Variants in FSHR observed in about 807,000 individuals in gnomAD.
The protein encoded by FSHR is follicle-stimulating hormone receptor.
A neutral mutation model predicts 52.1 loss-of-function variants in FSHR; 46 were observed. That is an observed-to-expected ratio of 0.88 (90% CI 0.70 to 1.13). FSHR has a LOEUF of 1.13. FSHR is among the 50% of genes most tolerant of loss of function. The pLI is 0.00. For missense variants in FSHR, 964 were observed against 834.6 expected (o/e 1.16, Z -1.91); for synonymous variants, 399 against 309.6 (o/e 1.29, Z -3.03).
chr2:49,059,214 A>T (rs1558416598), intron 2 of FSHR, among the ~76,000 whole-genome samples: 1 of 152,094 alleles, frequency 6.6e-6, no homozygotes. Context: ...AATTAAAAAA[A>T]TAATAATAAA....
At chr2:48,980,609 A>C (rs1327048223) in intron 8 of FSHR, among the ~76,000 whole-genome samples, 1 of 152,164 alleles carries the variant, frequency 6.6e-6, no homozygotes, top group Non-Finnish European at 1.5e-5. Context: ...TGGTGTTAAT[A>C]GTTATTTTCC....
At chr2:49,021,794 TTGCACAGTTGAACATAAATAAG>T (rs1447866138) in intron 2 of FSHR, among the ~76,000 whole-genome samples, 2 of 146,008 alleles carry the variant, frequency 1.4e-5, no homozygotes, top group African/African-American at 5.1e-5. Context: ...TCCTCACCAT[TTGCACAGTTGAACATAAATAAG>T]GGTGGGGTAT....
chr2:49,027,004 G>C (rs1298141457), intron 2 of FSHR, among the ~76,000 whole-genome samples: 2 of 152,126 alleles, frequency 1.3e-5, no homozygotes, highest in African/African-American at 4.8e-5. Flanking sequence ...AATCAGTCTA[G>C]AGCAGCTAGA....
intron 1 of FSHR, among the ~76,000 whole-genome samples, chr2:49,147,556 C>T (rs963056534): frequency 6.6e-6 from 1 of 152,042 alleles, no homozygotes; most frequent in African/African-American, 2.4e-5. Context: ...AAGTGCAGTT[C>T]TCTGCTATCA....
Position 48,980,500 on chromosome 2 carries a change from G to A in FSHR, c.668+2412C>T, listed in dbSNP as rs1422972108. On this transcript the variant is annotated intron_variant, in intron 8 of 9. Coordinates refer to ENST00000406846, the MANE Select transcript of FSHR (RefSeq NM_000145.4). Reference sequence around the variant, plus strand: ...GTTAAACATTCTTATGAGATACATTGTGCAGTATCTTCGCCTGGAATCTGC... The same window carrying A: ...GTTAAACATTCTTATGAGATACATTATGCAGTATCTTCGCCTGGAATCTGC... Among the ~76,000 whole-genome samples, 7 of 152,296 alleles carry A rather than the reference G, an allele frequency of 4.6e-5. No homozygotes were observed. In the East Asian group the frequency reaches 1.2e-3, roughly 25 times the overall value.
intron 4 of FSHR, among the ~76,000 whole-genome samples, chr2:49,016,096 G>A (rs868623702): frequency 6.6e-5 from 10 of 152,078 alleles, no homozygotes; most frequent in African/African-American, 2.4e-4. Context: ...GCACATGATG[G>A]CCCAGTGTTT....
chr2:48,999,316 G>A (rs942988407), intron 4 of FSHR, among the ~76,000 whole-genome samples: 8 of 152,024 alleles, frequency 5.3e-5, no homozygotes, highest in Admixed American at 5.2e-4. Context: ...TCATATTAGA[G>A]TTGAGGATGC....
chr2:48,979,698 C>G (rs1675156334), intron 8 of FSHR, among the ~76,000 whole-genome samples: 1 of 152,088 alleles, frequency 6.6e-6, no homozygotes, highest in Non-Finnish European at 1.5e-5. Flanking sequence ...ATCAGCTGAG[C>G]CTTTTGTTGC....
rs551436457 is a variant in FSHR at position 49,142,868 on chromosome 2, G to C, written c.152+11398C>G. Among the ~76,000 whole-genome samples, 3 of 152,278 alleles carry C rather than the reference G, an allele frequency of 2.0e-5. No homozygotes were observed. The South Asian group carries it at 6.2e-4, about 32-fold the overall frequency. On this transcript the variant is annotated intron_variant, in intron 1 of 9. Coordinates refer to ENST00000406846, the MANE Select transcript of FSHR (RefSeq NM_000145.4). Reference sequence around the variant, plus strand: ...GATTGGATTTGGGAGTGACAGTTTGGTGACATGTGCGTTTATACAGATGAT... The same window carrying C: ...GATTGGATTTGGGAGTGACAGTTTGCTGACATGTGCGTTTATACAGATGAT...
intron 4 of FSHR, among the ~76,000 whole-genome samples, chr2:49,016,287 C>G (rs1215204063): frequency 6.6e-6 from 1 of 152,194 alleles, no homozygotes; most frequent in Non-Finnish European, 1.5e-5. Context: ...GTATCCTTCC[C>G]TATGCCTTGT....
chr2:48,996,520 A>T (rs1471536328), intron 4 of FSHR, among the ~76,000 whole-genome samples: 1 of 152,142 alleles, frequency 6.6e-6, no homozygotes, highest in African/African-American at 2.4e-5. Context: ...ATTCATTAAC[A>T]CAACTCATGT....
intron 8 of FSHR, among the ~76,000 whole-genome samples, chr2:48,974,816 A>G (rs1390083531): frequency 1.3e-5 from 2 of 152,204 alleles, no homozygotes; most frequent in East Asian, 3.9e-4. Flanking sequence ...AGACTTAACT[A>G]TAGTATATTC....
At chr2:49,099,200 ATGT>A (rs1014147875) in intron 1 of FSHR, among the ~76,000 whole-genome samples, 4 of 151,938 alleles carry the variant, frequency 2.6e-5, no homozygotes, top group African/African-American at 9.7e-5. Flanking sequence ...CAATTCCCAC[ATGT>A]TGTGGGAGAG....
At chr2:49,109,167 C>T (rs1340459439) in intron 1 of FSHR, among the ~76,000 whole-genome samples, 2 of 151,984 alleles carry the variant, frequency 1.3e-5, no homozygotes, top group African/African-American at 4.8e-5. Flanking sequence ...GCAGAAATTC[C>T]CTATCCAGAA....
intron 1 of FSHR, among the ~76,000 whole-genome samples, chr2:49,101,911 G>C (rs1329791836): frequency 6.6e-6 from 1 of 152,114 alleles, no homozygotes; most frequent in African/African-American, 2.4e-5. Context: ...GAGTGTGCTA[G>C]CTCAGGTGTC....
intron 1 of FSHR, among the ~76,000 whole-genome samples, chr2:49,087,507 A>G (rs941502125): frequency 2.6e-5 from 4 of 152,184 alleles, no homozygotes; most frequent in Non-Finnish European, 5.9e-5. Context: ...AAAAAGACGA[A>G]GTATCTGCCC....
intron 1 of FSHR, among the ~76,000 whole-genome samples, chr2:49,089,173 C>T (rs935570081): frequency 4.6e-5 from 7 of 151,268 alleles, no homozygotes; most frequent in African/African-American, 1.5e-4. Flanking sequence ...TGGTGATAAC[C>T]GGATTATATC....
At chr2:49,152,167 C>A (rs1435186150) in intron 1 of FSHR, among the ~76,000 whole-genome samples, 2 of 152,112 alleles carry the variant, frequency 1.3e-5, no homozygotes, top group Non-Finnish European at 2.9e-5. Context: ...CAGGAACTTT[C>A]TTTCCTTTTC....
At chr2:49,127,467 CT>C (rs1672047416) in intron 1 of FSHR, among the ~76,000 whole-genome samples, 1 of 151,664 alleles carries the variant, frequency 6.6e-6, no homozygotes, top group African/African-American at 2.4e-5. Flanking sequence ...TGAACGTGTC[CT>C]TTCTTTCCTT....
Sources: gnomAD v4.1 joint callset for allele counts (sites outside exome capture counted in the v4.1 genomes callset) on GRCh38, gnomAD v4.1.1 for gene constraint, MANE v1.5 for transcripts, NCBI Gene and HGNC (gene_info 2026-07-23, HGNC 2026-07-21) for gene names.